STXBP5: variants seen among roughly 807,000 people sequenced by gnomAD.
STXBP5 encodes syntaxin-binding protein 5.
In STXBP5, 50 loss-of-function variants were observed where a neutral mutation model predicts 152.4. The ratio of observed to expected loss-of-function variants is 0.33; its 90% confidence interval spans 0.26 to 0.42. STXBP5 has a LOEUF of 0.42. STXBP5 is among the 10% of genes least tolerant of loss of function. The pLI, the probability that STXBP5 is intolerant of heterozygous loss-of-function variation, is 1.00. For missense variants in STXBP5, 1,167 were observed against 1,388.6 expected (o/e 0.84, Z 2.54); for synonymous variants, 492 against 494.7 (o/e 0.99, Z 0.07).
intron 8 of STXBP5, among the ~76,000 whole-genome samples, chr6:147,281,304 C>A (rs113077731): frequency 6.6e-6 from 1 of 151,986 alleles, no homozygotes; most frequent in African/African-American, 2.4e-5. Flanking sequence ...GTGATCCACC[C>A]GCCTCAGCCT....
At chr6:147,380,760 A>G (rs956598426) in intron 26 of STXBP5, among the ~76,000 whole-genome samples, 2 of 152,160 alleles carry the variant, frequency 1.3e-5, no homozygotes, top group Non-Finnish European at 2.9e-5. Context: ...TGCAAATCAC[A>G]TATCTGATAT....
At chr6:147,360,459 A>G (rs986550219) in intron 23 of STXBP5, among the ~76,000 whole-genome samples, 5 of 152,234 alleles carry the variant, frequency 3.3e-5, no homozygotes, top group African/African-American at 1.2e-4. Context: ...TTGTTTGTTT[A>G]TACAGCCATT....
At chr6:147,362,058 A>G (rs1346548875) in intron 23 of STXBP5, among the ~76,000 whole-genome samples, 1 of 152,170 alleles carries the variant, frequency 6.6e-6, no homozygotes, top group African/African-American at 2.4e-5. Context: ...ATACTTTAAT[A>G]TAAGTGTGTC....
intron 2 of STXBP5, among the ~76,000 whole-genome samples, chr6:147,222,233 C>G (rs747614866): frequency 6.6e-6 from 1 of 152,146 alleles, no homozygotes; most frequent in Non-Finnish European, 1.5e-5. Flanking sequence ...CTGATAATTG[C>G]AACATTACTG....
chr6:147,235,047 T>G (rs765903176), intron 2 of STXBP5, among the ~76,000 whole-genome samples: 1 of 152,116 alleles, frequency 6.6e-6, no homozygotes, highest in African/African-American at 2.4e-5. Context: ...AATTTGCTTG[T>G]TTTGTTTAAA....
intron 26 of STXBP5, among the ~76,000 whole-genome samples, chr6:147,375,046 A>C (rs1193031910): frequency 6.6e-6 from 1 of 152,206 alleles, no homozygotes; most frequent in Middle Eastern, 3.2e-3. Flanking sequence ...AAATGATCTC[A>C]GAAAGAATAT....
At chr6:147,372,565 G>A (rs969597604) in intron 25 of STXBP5, among the ~76,000 whole-genome samples, 4 of 150,550 alleles carry the variant, frequency 2.7e-5, no homozygotes, top group African/African-American at 9.8e-5. Flanking sequence ...CTCCTAAGTA[G>A]CTGGGATTAC....
At chr6:147,358,448 G>C (rs1367693660) in intron 22 of STXBP5, among the ~76,000 whole-genome samples, 1 of 152,170 alleles carries the variant, frequency 6.6e-6, no homozygotes, top group East Asian at 1.9e-4. Context: ...GTTCAGTTCT[G>C]AGGAGTGTGG....
intron 22 of STXBP5, among the ~76,000 whole-genome samples, chr6:147,355,744 TA>T (rs1244562789): frequency 2.0e-5 from 3 of 152,140 alleles, no homozygotes; most frequent in Non-Finnish European, 2.9e-5. Flanking sequence ...GTAGATTCAA[TA>T]AAATGATAAA....
intron 2 of STXBP5, among the ~76,000 whole-genome samples, chr6:147,233,948 A>G (rs1778144616): frequency 6.6e-6 from 1 of 150,880 alleles, no homozygotes; most frequent in Admixed American, 6.6e-5. Flanking sequence ...TGAGCTAAAC[A>G]TACTCAACCT....
chr6:147,265,253 T>C (rs1018626389), intron 6 of STXBP5, among the ~76,000 whole-genome samples: 4 of 152,064 alleles, frequency 2.6e-5, no homozygotes, highest in Non-Finnish European at 4.4e-5. Flanking sequence ...GGAAAACTTA[T>C]TTTGTTAGTT....
intron 3 of STXBP5, 111 bp from the exon 4 acceptor site, chr6:147,239,059 G>A (rs1411482488): frequency 5.5e-6 from 5 of 903,162 alleles, no homozygotes; most frequent in Non-Finnish European, 8.1e-6. Context: ...ATCTAAATCT[G>A]TTGGCAGAAA....
At chr6:147,239,900 C>T (rs749493369) in intron 4 of STXBP5, among the ~76,000 whole-genome samples, 19 of 151,818 alleles carry the variant, frequency 1.3e-4, no homozygotes, top group Admixed American at 3.3e-4. Flanking sequence ...ACTTTTTCAC[C>T]CCAATTTGAT....
intron 4 of STXBP5, among the ~76,000 whole-genome samples, chr6:147,243,670 G>A (rs965808092): frequency 1.3e-5 from 2 of 152,126 alleles, no homozygotes; most frequent in Non-Finnish European, 2.9e-5. Flanking sequence ...TCACTACCTA[G>A]ATTGCCTCCT....
At chr6:147,253,562 C>A (rs748102680) in intron 4 of STXBP5, among the ~76,000 whole-genome samples, 6 of 152,188 alleles carry the variant, frequency 3.9e-5, no homozygotes, top group Non-Finnish European at 5.9e-5. Flanking sequence ...CCCATCGTCT[C>A]AGCCCAAAAT....
chr6:147,270,959 G>T (rs1780134910), intron 7 of STXBP5, among the ~76,000 whole-genome samples: 1 of 152,054 alleles, frequency 6.6e-6, no homozygotes. Context: ...AATCCTAAAG[G>T]AAATACCAAA....
At chr6:147,270,396 CA>C (rs71031020) in intron 7 of STXBP5, among the ~76,000 whole-genome samples, 142 of 90,160 alleles carry the variant, frequency 1.6e-3, no homozygotes, top group Non-Finnish European at 1.6e-3. Context: ...GAGACTCTGT[CA>C]AAAAAAAAAA....
intron 9 of STXBP5, among the ~76,000 whole-genome samples, chr6:147,303,211 C>G (rs1189866946): frequency 6.6e-6 from 1 of 152,024 alleles, no homozygotes; most frequent in East Asian, 1.9e-4. Flanking sequence ...AGTTGTAGTT[C>G]CCTTAATCCC....
rs796698614 is a variant in STXBP5, at chr6:147,378,538, A to C, written c.3194-4240A>C. On this transcript the variant is annotated intron_variant, in intron 26 of 27. Transcript: ENST00000321680. The stretch of plus-strand genomic sequence containing the variant: ...TTATTCCTTTGAAATTAGGAATCAC[A>C]CATAGTGCCCACTATTAACACATAC... Among the ~76,000 whole-genome samples the C allele has an allele frequency of 6.6e-5, 10 of 152,218 alleles. 1 individual carries two copies. Among genetic ancestry groups the C allele is most frequent in the African/African-American group, 2.4e-4 (10 of 41,578 alleles).
Sources: gnomAD v4.1 joint callset for allele counts (sites outside exome capture counted in the v4.1 genomes callset) on GRCh38, gnomAD v4.1.1 for gene constraint, MANE v1.5 for transcripts, NCBI Gene and HGNC (gene_info 2026-07-23, HGNC 2026-07-21) for gene names.